The following NALF1 variants were observed in gnomAD, a reference collection of about 807,000 sequenced individuals.
NALF1 encodes the protein family with sequence similarity 155 member A.
A neutral mutation model predicts 48.4 loss-of-function variants in NALF1; 3 were observed. The observed-to-expected ratio is 0.06, with a 90% confidence interval of 0.03 to 0.16. The LOEUF is 0.16. NALF1 is among the 10% of genes least tolerant of loss of function. The pLI is 1.00. For synonymous variants in NALF1, 262 were observed against 245.7 expected (o/e 1.07, Z -0.62); for missense variants, 526 against 571.5 (o/e 0.92, Z 0.81).
At chr13:107,427,048 T>C (rs1215144801) in intron 1 of NALF1, among the ~76,000 whole-genome samples, 1 of 151,776 alleles carries the variant, frequency 6.6e-6, no homozygotes, top group African/African-American at 2.4e-5. Flanking sequence ...CCCCAATTAT[T>C]ATTATATATT....
intron 1 of NALF1, among the ~76,000 whole-genome samples, chr13:107,628,754 G>A (rs1879752383): frequency 6.6e-6 from 1 of 152,078 alleles, no homozygotes; most frequent in South Asian, 2.1e-4. Flanking sequence ...TTTTATTCAT[G>A]TTTATACTTC....
intron 2 of NALF1, among the ~76,000 whole-genome samples, chr13:107,185,895 A>G (rs1320151662): frequency 6.6e-6 from 1 of 152,104 alleles, no homozygotes; most frequent in Non-Finnish European, 1.5e-5. Context: ...ATCACTTACA[A>G]TGTCCACTTC....
intron 1 of NALF1, among the ~76,000 whole-genome samples, chr13:107,817,001 T>C (rs573603998): frequency 1.3e-5 from 2 of 152,362 alleles, no homozygotes; most frequent in South Asian, 4.1e-4. Flanking sequence ...TAGGGTTTTT[T>C]GTATTTTTAA....
At chr13:107,346,763 T>G (rs899672600) in intron 1 of NALF1, among the ~76,000 whole-genome samples, 6 of 152,202 alleles carry the variant, frequency 3.9e-5, no homozygotes, top group African/African-American at 1.4e-4. Context: ...TGTTATTTGT[T>G]TTTTACAATT....
chr13:107,692,791 A>C lies in NALF1; in HGVS notation c.915+172891T>G, dbSNP rs565309596. Among the ~76,000 whole-genome samples the C allele has an allele frequency of 3.9e-5, 6 of 152,326 alleles. No individual in the cohort carries two copies. In the East Asian group the frequency reaches 1.2e-3, roughly 29 times the overall value. ...TATGCCAAACCAACAATATCTACTC[A>C]CTATGGTTGTATGGCTAGAAATCTC... is the stretch of plus-strand genomic sequence containing the variant. On this transcript the variant is annotated intron_variant, in intron 1 of 2. Coordinates refer to ENST00000375915, the MANE Select transcript of NALF1 (RefSeq NM_001080396.3).
intron 1 of NALF1, among the ~76,000 whole-genome samples, chr13:107,518,278 AAAG>A (rs140895211): frequency 0.11 from 16,754 of 152,194 alleles, 1,101 homozygotes; most frequent in East Asian, 0.27. Flanking sequence ...AATTAAATAT[AAAG>A]AAGATCATTC....
At chr13:107,442,153 T>C (rs116076635) in intron 1 of NALF1, among the ~76,000 whole-genome samples, 127 of 151,892 alleles carry the variant, frequency 8.4e-4, no homozygotes, top group African/African-American at 2.9e-3. Context: ...AATAATAAAG[T>C]GTTACCTGAA....
At chr13:107,518,261 T>C (rs992959713) in intron 1 of NALF1, among the ~76,000 whole-genome samples, 2 of 151,066 alleles carry the variant, frequency 1.3e-5, no homozygotes, top group Admixed American at 6.6e-5. Context: ...AAATATTATA[T>C]TCAAATAATT....
At chr13:107,542,001 T>C (rs961083459) in intron 1 of NALF1, among the ~76,000 whole-genome samples, 3 of 152,076 alleles carry the variant, frequency 2.0e-5, no homozygotes, top group African/African-American at 7.2e-5. Flanking sequence ...CCTAGCTTGC[T>C]TCTCTCATTC....
chr13:107,715,977 G>T (rs888922597), intron 1 of NALF1, among the ~76,000 whole-genome samples: 1 of 152,136 alleles, frequency 6.6e-6, no homozygotes, highest in Non-Finnish European at 1.5e-5. Context: ...TATGCTTGCT[G>T]TTTTTTCTGA....
intron 1 of NALF1, among the ~76,000 whole-genome samples, chr13:107,503,283 T>C (rs1875579335): frequency 7.3e-6 from 1 of 137,472 alleles, no homozygotes; most frequent in African/African-American, 2.6e-5. Flanking sequence ...CTTAATAATG[T>C]AAGTTTTCAA....
At chr13:107,633,913 AATAT>A (rs914050959) in intron 1 of NALF1, among the ~76,000 whole-genome samples, 1 of 148,456 alleles carries the variant, frequency 6.7e-6, no homozygotes, top group Admixed American at 6.8e-5. Flanking sequence ...ATATATGGAA[AATAT>A]ATATATTTAT....
In NALF1 at chr13:107,783,992, T is replaced by C. The variant is rs968644060; in HGVS notation, c.915+81690A>G. Among the ~76,000 whole-genome samples the C allele has an allele frequency of 5.3e-5, 8 of 152,244 alleles. No homozygotes were observed. The South Asian group carries it at 1.7e-3, about 32-fold the overall frequency. The stretch of plus-strand genomic sequence containing the variant: ...CTCCCGGGAGGCAGTAGGATTACTA[T>C]GTGCTGATTCCACACAACCGCTCCC... On this transcript the variant is annotated intron_variant, in intron 1 of 2. Coordinates refer to ENST00000375915, the MANE Select transcript of NALF1 (RefSeq NM_001080396.3).
intron 1 of NALF1, among the ~76,000 whole-genome samples, chr13:107,690,027 T>C (rs1042399599): frequency 5.3e-5 from 8 of 152,254 alleles, no homozygotes; most frequent in African/African-American, 1.9e-4. Flanking sequence ...TAAATGTATA[T>C]TAATTGCCTT....
chr13:107,751,073 T>G (rs1160189581), intron 1 of NALF1, among the ~76,000 whole-genome samples: 2 of 152,246 alleles, frequency 1.3e-5, no homozygotes, highest in Non-Finnish European at 2.9e-5. Context: ...ATTAAGCATA[T>G]TAAAGCAACA....
chr13:107,244,781 T>G lies in NALF1; in HGVS notation c.916-34026A>C, dbSNP rs76263588. Among the ~76,000 whole-genome samples the G allele has an allele frequency of 4.0e-4, 61 of 152,338 alleles. No individual in the cohort carries two copies. The East Asian group carries it at 8.5e-3, about 21-fold the overall frequency. On this transcript the variant is annotated intron_variant, in intron 1 of 2. Coordinates refer to ENST00000375915, the MANE Select transcript of NALF1 (RefSeq NM_001080396.3). ...ACCATTTTACACATTGTAAAACTAT[T>G]TCCAAGGGTAAGTTGTTGTTATAAA...
chr13:107,265,114 G>A (rs1035891099), intron 1 of NALF1, among the ~76,000 whole-genome samples: 1 of 152,266 alleles, frequency 6.6e-6, no homozygotes, highest in South Asian at 2.1e-4. Context: ...TTACCAAAGT[G>A]TTTTGATTCT....
intron 1 of NALF1, among the ~76,000 whole-genome samples, chr13:107,229,887 C>CAGGCA (rs1304749896): frequency 7.9e-5 from 12 of 152,174 alleles, no homozygotes; most frequent in African/African-American, 2.9e-4. Flanking sequence ...GCCTGGATTC[C>CAGGCA]ATAGGAAGCT....
chr13:107,319,221 G>A lies in NALF1; in HGVS notation c.916-108466C>T, dbSNP rs570512611. On this transcript the variant is annotated intron_variant, in intron 1 of 2. Coordinates refer to ENST00000375915, the MANE Select transcript of NALF1 (RefSeq NM_001080396.3). ...AACCATCAGGGTTGGGGTGGTGGGC[G>A]TTAGTGATAAAATGATGAGTCACAA... Among the ~76,000 whole-genome samples the A allele has an allele frequency of 7.9e-5, 12 of 152,214 alleles. No homozygotes were observed. The East Asian group carries it at 1.7e-3, about 22-fold the overall frequency.
Sources: gnomAD v4.1 joint callset for allele counts (sites outside exome capture counted in the v4.1 genomes callset) on GRCh38, gnomAD v4.1.1 for gene constraint, MANE v1.5 for transcripts, NCBI Gene and HGNC (gene_info 2026-07-23, HGNC 2026-07-21) for gene names.